The following RERE variants were observed in gnomAD, a reference collection of about 807,000 sequenced individuals.
RERE encodes the protein arginine-glutamic acid dipeptide repeats protein.
In RERE, 40 loss-of-function variants were observed where a neutral mutation model predicts 146.1. That is an observed-to-expected ratio of 0.27 (90% confidence interval 0.21 to 0.36). The LOEUF is 0.36. RERE is among the 10% of genes least tolerant of loss of function. The pLI, the probability that RERE is intolerant of heterozygous loss-of-function variation, is 1.00. For missense variants in RERE, 1,933 were observed against 2,138.7 expected (o/e 0.90, Z 1.90); for synonymous variants, 1,003 against 866.0 (o/e 1.16, Z -2.78).
At chr1:8,751,938 T>G (rs1385608501) in intron 1 of RERE, among the ~76,000 whole-genome samples, 3 of 122,022 alleles carry the variant, frequency 2.5e-5, no homozygotes, top group Non-Finnish European at 5.3e-5. Flanking sequence ...CCCAAATAAC[T>G]GTTTTAAGAT....
At chr1:8,791,406 A>T (rs547308567) in intron 1 of RERE, among the ~76,000 whole-genome samples, 1 of 152,234 alleles carries the variant, frequency 6.6e-6, no homozygotes, top group Admixed American at 6.5e-5. Context: ...GAGGGTAGGG[A>T]CACATCTTAC....
chr1:8,752,697 C>T (rs1420949512), intron 1 of RERE, among the ~76,000 whole-genome samples: 1 of 152,126 alleles, frequency 6.6e-6, no homozygotes, highest in Non-Finnish European at 1.5e-5. Flanking sequence ...AGAAATGAAG[C>T]TATTGCCTTT....
In RERE at chr1:8,364,224, C is replaced by G. The variant is rs367988884; in HGVS notation, c.1572G>C (p.Glu524Asp). Residue 524 changes from glutamate to aspartate, a missense_variant, in exon 15 of 23, where the codon GAG (glutamate) becomes GAC (aspartate). By Grantham distance (45) the Glu-to-Asp change is conservative. Coordinates refer to ENST00000400908, the MANE Select transcript of RERE (RefSeq NM_001042681.2). The surrounding 1 kb of genome is among the most constrained non-coding windows in gnomAD (Gnocchi z 5.1). The part of the protein sequence containing the change: ...TSKDWHHGGR[E>D]NILLCTDCRI... ...GACAGTCGGTGCAAAGCAGGATGTT[C>G]TCCCGGCCTCCGTGGTGCCAATCTT... 1 of 1,614,148 alleles carries G rather than the reference C, an allele frequency of 6.2e-7. No homozygotes were observed. Among genetic ancestry groups the G allele is most frequent in the Non-Finnish European group, 8.5e-7 (1 of 1,180,034 alleles).
chr1:8,634,819 T>G (rs1404064467), intron 2 of RERE, among the ~76,000 whole-genome samples: 1 of 152,298 alleles, frequency 6.6e-6, no homozygotes, highest in East Asian at 1.9e-4. Context: ...CACTGCAAGC[T>G]CCGCCTCCCA....
chr1:8,380,503 C>T (rs981844543), intron 12 of RERE, among the ~76,000 whole-genome samples: 2 of 152,144 alleles, frequency 1.3e-5, no homozygotes, highest in African/African-American at 4.8e-5. Context: ...CACGTGCCAC[C>T]GCACCTGGCT....
chr1:8,494,063 T>C (rs1167919959), intron 10 of RERE, among the ~76,000 whole-genome samples: 1 of 152,216 alleles, frequency 6.6e-6, no homozygotes, highest in Non-Finnish European at 1.5e-5. Context: ...CAGTGTGTTG[T>C]TATCTGAGCT....
At chr1:8,469,629 A>C (rs1644653650) in intron 10 of RERE, among the ~76,000 whole-genome samples, 1 of 152,134 alleles carries the variant, frequency 6.6e-6, no homozygotes, top group South Asian at 2.1e-4. Context: ...TCTCAAAAAA[A>C]TAATAATAGT....
chr1:8,605,958 C>T (rs1646703497), intron 4 of RERE, among the ~76,000 whole-genome samples: 1 of 149,004 alleles, frequency 6.7e-6, no homozygotes, highest in Admixed American at 6.9e-5. Context: ...AATCCTCCCA[C>T]CTCAGCCCTA....
At chr1:8,436,528 A>T (rs1383047707) in intron 11 of RERE, among the ~76,000 whole-genome samples, 1 of 152,140 alleles carries the variant, frequency 6.6e-6, no homozygotes, top group Non-Finnish European at 1.5e-5. Flanking sequence ...TAAGCTAAAA[A>T]AAGAAATGTG....
intron 1 of RERE, among the ~76,000 whole-genome samples, chr1:8,707,721 C>A (rs10864364): frequency 0.84 from 127,975 of 152,176 alleles, 53,975 homozygotes; most frequent in East Asian, 0.95. Flanking sequence ...CAACGTCATC[C>A]AGCAAACAGT....
chr1:8,585,949 T>G (rs1190088558), intron 4 of RERE, among the ~76,000 whole-genome samples: 1 of 152,150 alleles, frequency 6.6e-6, no homozygotes, highest in Non-Finnish European at 1.5e-5. Context: ...AAATCAGACA[T>G]TATACACTTC....
Position 8,423,627 on chromosome 1 carries a change from G to A in RERE, c.1204-820C>T, listed in dbSNP as rs918199448. The A allele has an allele frequency of 1.2e-5, 12 of 984,972 alleles. No homozygotes were observed. In the African/African-American group the frequency reaches 2.1e-4, roughly 17 times the overall value. The allele number at this position is 984,972 out of a possible 1,614,324, so 61.0% of individuals were successfully genotyped here. ...GCCACAGGTAAGCGCCCGGGGTCCG[G>A]GGCGGCAAGAGGCCGTCGCCTGTCA... On this transcript the variant is annotated intron_variant, in intron 11 of 22. Coordinates refer to ENST00000400908, the MANE Select transcript of RERE (RefSeq NM_001042681.2). The surrounding 1 kb of genome is among the most constrained non-coding windows in gnomAD (Gnocchi z 5.4).
intron 6 of RERE, among the ~76,000 whole-genome samples, chr1:8,556,252 T>C (rs1485419813): frequency 6.7e-6 from 1 of 149,768 alleles, no homozygotes; most frequent in Non-Finnish European, 1.5e-5. Flanking sequence ...AAAAAGTAAA[T>C]TATCAAAAAA....
At chr1:8,570,373 A>G (rs1646206331) in intron 4 of RERE, among the ~76,000 whole-genome samples, 1 of 152,122 alleles carries the variant, frequency 6.6e-6, no homozygotes, top group African/African-American at 2.4e-5. Flanking sequence ...ATTTTTTTGT[A>G]ATTTATGAAT....
chr1:8,703,154 G>A (rs1164021716), intron 1 of RERE: 3 of 152,176 alleles, frequency 2.0e-5, no homozygotes, highest in Non-Finnish European at 4.4e-5. Context: ...GGGCGGCGCA[G>A]GCGGGCAGGT....
chr1:8,564,753 G>T (rs181250960), intron 4 of RERE, among the ~76,000 whole-genome samples: 2 of 151,942 alleles, frequency 1.3e-5, no homozygotes, highest in East Asian at 3.9e-4. Context: ...ACAAGTTAGG[G>T]AATCAACCTC....
Position 8,809,993 on chromosome 1 carries a change from TTTGTTG to T in RERE, c.-145+7161_-145+7166del, listed in dbSNP as rs757435268. Among the ~76,000 whole-genome samples the T allele has an allele frequency of 3.1e-4, 47 of 151,452 alleles. 1 individual carries two copies. Among genetic ancestry groups the T allele is most frequent in the African/African-American group, 8.2e-4 (34 of 41,220 alleles). On this transcript the variant is annotated intron_variant, in intron 1 of 22. Transcript: ENST00000400908. ...CTGAGCACAGTTTGTTGTTTTTGTT[TTTGTTG>T]TTGTTGTTGTTGTTGTTGTTGTTTG...
intron 3 of RERE, among the ~76,000 whole-genome samples, chr1:8,622,345 G>A (rs917850829): frequency 7.2e-5 from 11 of 151,780 alleles, no homozygotes; most frequent in East Asian, 1.9e-4. Flanking sequence ...TATTTTTCAC[G>A]GTGCACTGAT....
At chr1:8,592,031 C>T (rs534437513) in intron 4 of RERE, among the ~76,000 whole-genome samples, 1 of 152,174 alleles carries the variant, frequency 6.6e-6, no homozygotes, top group African/African-American at 2.4e-5. Flanking sequence ...AAGGAAAAAA[C>T]ACTGTAATGC....
Sources: gnomAD v4.1 joint callset for allele counts (sites outside exome capture counted in the v4.1 genomes callset) on GRCh38, gnomAD v4.1.1 for gene constraint, Gnocchi (gnomAD v3.1) non-coding constraint, MANE v1.5 for transcripts, NCBI Gene and HGNC (gene_info 2026-07-23, HGNC 2026-07-21) for gene names.